Variants in CMYA5 observed in about 807,000 individuals in gnomAD.
The protein encoded by CMYA5 is cardiomyopathy associated 5, also known as cardiomyopathy-associated protein 5.
Under a neutral mutation model 318.9 loss-of-function variants are expected in CMYA5, and 246 were observed. The observed-to-expected ratio is 0.77, with a 90% CI of 0.70 to 0.86. The LOEUF (loss-of-function observed/expected upper bound fraction) is 0.86, where lower values mean the gene tolerates loss of function less well. Ranked by LOEUF, CMYA5 falls within the 40% of genes least tolerant of loss-of-function variation. CMYA5 has a pLI of 0.00. For missense variants in CMYA5, 4,589 were observed against 4,678.2 expected (o/e 0.98, Z 0.56); for synonymous variants, 1,641 against 1,729.5 (o/e 0.95, Z 1.27).
chr5:79,706,235 A>G (rs1045443971), intron 1 of CMYA5, among the ~76,000 whole-genome samples: 1 of 152,144 alleles, frequency 6.6e-6, no homozygotes, highest in Non-Finnish European at 1.5e-5. Flanking sequence ...TTTGATTATG[A>G]GGTGAGATGG....
rs1282948127 is a variant in CMYA5, at chr5:79,717,884, A to ATTTTTTTTTTT, written c.150-11019_150-11009dup. On this transcript the variant is annotated intron_variant, in intron 1 of 12. Transcript: ENST00000446378. Reference sequence around the variant, plus strand: ...ATAAAAGTTCCTTTTAACCTAAGCTATTTTTTTTTTTTTTTTTTTTTTGAG... The same window carrying ATTTTTTTTTTT: ...ATAAAAGTTCCTTTTAACCTAAGCTATTTTTTTTTTTTTTTTTTTTTTTTTTTTTTTTTGAG... Among the ~76,000 whole-genome samples the ATTTTTTTTTTT allele has an allele frequency of 8.7e-5, 8 of 91,758 alleles. 2 individuals are homozygous for ATTTTTTTTTTT. The highest frequency in any genetic ancestry group is 5.1e-4 in the African/African-American group (8 of 15,736). The allele number at this position is 91,758 out of a possible 152,430, so 60.2% of individuals were successfully genotyped here.
chr5:79,772,688 C>T (rs1039517010), intron 9 of CMYA5, among the ~76,000 whole-genome samples: 1 of 152,148 alleles, frequency 6.6e-6, no homozygotes, highest in Non-Finnish European at 1.5e-5. Flanking sequence ...CATCTTTAAT[C>T]GCAGAGTCCC....
rs1827855604 is a variant in CMYA5 at position 79,730,236 on chromosome 5, C to G, written c.1471C>G (p.Pro491Ala). Reference sequence around the variant, plus strand: ...AGAGAAGGAGGAAAACATGCTTGAGCCATCCATTTCTCTTTCTGAACCTCT... The same window carrying G: ...AGAGAAGGAGGAAAACATGCTTGAGGCATCCATTTCTCTTTCTGAACCTCT... ...KGEKEENMLE[P>A]SISLSEPLML... Residue 491 changes from proline (P) to alanine (A), a missense_variant, in exon 2 of 13, where the codon CCA (proline) becomes GCA (alanine). Physicochemically the swap from Pro to Ala is conservative, Grantham distance 27. Transcript: ENST00000446378. 6.2e-7 allele frequency: 1 copy of G among 1,613,960 alleles called. No individual in the cohort carries two copies. Among genetic ancestry groups the G allele is most frequent in the Non-Finnish European group, 8.5e-7 (1 of 1,179,884 alleles).
intron 1 of CMYA5, among the ~76,000 whole-genome samples, chr5:79,725,677 C>G (rs1827733401): frequency 6.6e-6 from 1 of 152,198 alleles, no homozygotes; most frequent in Non-Finnish European, 1.5e-5. Flanking sequence ...CCGAGGTGGG[C>G]AGATCACTTG....
In CMYA5 at chr5:79,732,429, C is replaced by T. The variant is rs772363774; in HGVS notation, c.3664C>T (p.Gln1222Ter). ...TCAAGAAGCTACAGCACATGTATCA[C>T]AGGATCAAAAAATGGAGCCTCAGCC... ...DSQEATAHVS[Q>*]DQKMEPQPPN... Residue 1222 changes from glutamine (Q) to a stop codon, truncating the protein, a stop_gained, in exon 2 of 13, where the codon CAG (glutamine) becomes TAG (stop). Transcript: ENST00000446378. LOFTEE classifies it high-confidence loss of function. 6.2e-7 allele frequency: 1 copy of T among 1,613,492 alleles called. No individual in the cohort carries two copies. The highest frequency in any genetic ancestry group is 8.5e-7 in the Non-Finnish European group (1 of 1,179,724).
rs1182783131 is a variant in CMYA5, at chr5:79,731,146, A to T, written c.2381A>T (p.Asp794Val). ...CTAGGAAGTGAACGTTTCACACCGG[A>T]TTCAAAGTTGATCTCCAAATATGCA... The part of the protein sequence containing the change: ...EDLGSERFTP[D>V]SKLISKYAAP... Residue 794 changes from aspartate to valine, a missense_variant, in exon 2 of 13, where the codon GAT (aspartate) becomes GTT (valine). Asp to Val is a radical substitution (Grantham distance 152, BLOSUM62 -3). This residue lies in a region of CMYA5 where 2,132 missense variants were observed against 2,131.3 expected (regional missense o/e 1.00). Coordinates refer to ENST00000446378, the MANE Select transcript of CMYA5 (RefSeq NM_153610.5). 2.5e-6 allele frequency: 4 copies of T among 1,613,904 alleles called. No individual in the cohort carries two copies. The Admixed American group carries it at 5.0e-5, about 20-fold the overall frequency.
intron 1 of CMYA5, among the ~76,000 whole-genome samples, chr5:79,709,771 A>G (rs1827347220): frequency 6.6e-6 from 1 of 151,892 alleles, no homozygotes; most frequent in Admixed American, 6.6e-5. Flanking sequence ...CAGCCTGGTC[A>G]GCATGGTGAA....
Position 79,729,823 on chromosome 5 carries a change from A to G in CMYA5, c.1058A>G (p.Gln353Arg). 1 of 1,613,510 alleles carries G rather than the reference A, an allele frequency of 6.2e-7. No homozygotes were observed. Among genetic ancestry groups the G allele is most frequent in the Non-Finnish European group, 8.5e-7 (1 of 1,179,654 alleles). ...PSYSSSGRAE[Q>R]GIQLRHSQSV... Reference sequence around the variant, plus strand: ...TATTCAAGTAGTGGCAGAGCAGAACAAGGAATACAGCTCAGGCATTCACAG... The same window carrying G: ...TATTCAAGTAGTGGCAGAGCAGAACGAGGAATACAGCTCAGGCATTCACAG... Residue 353 changes from glutamine to arginine, a missense_variant, in exon 2 of 13, where the codon CAA (glutamine) becomes CGA (arginine). Around this residue, in one of 3 missense-constraint regions of CMYA5, gnomAD observed 2,132 missense variants for 2,131.3 expected, o/e 1.00. Transcript: ENST00000446378.
At chr5:79,740,341 A>C (rs1180760097) in intron 2 of CMYA5, among the ~76,000 whole-genome samples, 1 of 152,228 alleles carries the variant, frequency 6.6e-6, no homozygotes, top group Non-Finnish European at 1.5e-5. Flanking sequence ...ATTTTATGGC[A>C]ATAGTCCTTA....
chr5:79,723,817 T>G lies in CMYA5; in HGVS notation c.150-5098T>G, dbSNP rs1049741883. On this transcript the variant is annotated intron_variant, in intron 1 of 12. Coordinates refer to ENST00000446378, the MANE Select transcript of CMYA5 (RefSeq NM_153610.5). Reference sequence around the variant, plus strand: ...AAGAAAAGGAGATTACAGGGTAATATCACTCATTAACATGGGAGAAAAATT... The same window carrying G: ...AAGAAAAGGAGATTACAGGGTAATAGCACTCATTAACATGGGAGAAAAATT... Among the ~76,000 whole-genome samples, 3 of 150,836 alleles carry G rather than the reference T, an allele frequency of 2.0e-5. No homozygotes were observed. The South Asian group carries it at 6.3e-4, about 32-fold the overall frequency.
intron 1 of CMYA5, among the ~76,000 whole-genome samples, chr5:79,707,329 A>G (rs80204112): frequency 0.022 from 3,297 of 152,296 alleles, 117 homozygotes; most frequent in African/African-American, 0.074. Flanking sequence ...TATTTGTTTA[A>G]GGACTGTGTG....
intron 1 of CMYA5, among the ~76,000 whole-genome samples, chr5:79,695,091 C>A (rs7702610): frequency 0.64 from 97,508 of 151,840 alleles, 33,359 homozygotes; most frequent in African/African-American, 0.89. Flanking sequence ...ATTTTACACA[C>A]AAAAAAGTCC....
chr5:79,691,031 C>A (rs1165268028), intron 1 of CMYA5, among the ~76,000 whole-genome samples: 5 of 152,214 alleles, frequency 3.3e-5, no homozygotes, highest in African/African-American at 9.6e-5. Context: ...CAAGCACAGT[C>A]CCTGGCCTCA....
At position 79,734,042 on chromosome 5, in the gene CMYA5, C is replaced by T. The variant is rs1209610704; in HGVS notation, c.5277C>T (p.Ala1759=). 13 of 1,613,560 alleles carry T rather than the reference C, an allele frequency of 8.1e-6. No homozygotes were observed. The highest frequency in any genetic ancestry group is 1.7e-5 in the Admixed American group (1 of 59,960). The change falls in exon 2 of 13, where the codon GCC becomes GCT. Residue 1759 remains alanine (A), a synonymous_variant. Coordinates refer to ENST00000446378, the MANE Select transcript of CMYA5 (RefSeq NM_153610.5). ...KGLSEEVSHP[A]DFKKGGNQEI... is the part of the protein sequence containing the mutation. ...TATCAGAGGAGGTTAGCCATCCAGC[C>T]GACTTTAAAAAGGGAGGAAATCAAG...
chr5:79,713,995 G>A (rs188590926), intron 1 of CMYA5, among the ~76,000 whole-genome samples: 171 of 152,206 alleles, frequency 1.1e-3, no homozygotes, highest in Admixed American at 4.6e-3. Flanking sequence ...GTATCCCACC[G>A]TTAGCCAATT....
chr5:79,792,602 T>G (rs1406609728), intron 11 of CMYA5, among the ~76,000 whole-genome samples: 1 of 152,224 alleles, frequency 6.6e-6, no homozygotes, highest in Non-Finnish European at 1.5e-5. Context: ...TACATTCCCT[T>G]GCATTAATCA....
rs1827931925 is a variant in CMYA5, at chr5:79,732,328, C to T, written c.3563C>T (p.Ala1188Val). 5.6e-6 allele frequency: 9 copies of T among 1,613,676 alleles called. No homozygotes were observed. The highest frequency in any genetic ancestry group is 7.6e-6 in the Non-Finnish European group (9 of 1,179,850). Residue 1188 changes from alanine to valine, a missense_variant, in exon 2 of 13, where the codon GCA becomes GTA. Ala to Val is a moderately conservative substitution (Grantham distance 64). Transcript: ENST00000446378. ...PAIKKEQEPT[A>V]ALTLKAADEQ... is the part of the protein sequence containing the mutation. ...ATCAAGAAAGAACAGGAACCCACAG[C>T]AGCACTCACTCTAAAAGCTGCAGAT... is the stretch of plus-strand genomic sequence containing the variant.
chr5:79,744,275 G>A (rs887858415), intron 3 of CMYA5, among the ~76,000 whole-genome samples: 2 of 152,190 alleles, frequency 1.3e-5, no homozygotes, highest in Admixed American at 1.3e-4. Context: ...AAGTCTTAGA[G>A]TACATTCCTC....
At chr5:79,719,236 A>G (rs190819295) in intron 1 of CMYA5, among the ~76,000 whole-genome samples, 156 of 152,276 alleles carry the variant, frequency 1.0e-3, no homozygotes, top group Middle Eastern at 6.8e-3. Context: ...TTGTACATAT[A>G]TGTTACCTCC....
Sources: allele counts gnomAD v4.1 joint callset (sites outside exome capture counted in the v4.1 genomes callset), GRCh38; gene constraint gnomAD v4.1.1; regional missense constraint gnomAD v4.1.1; transcripts MANE v1.5; gene names NCBI Gene and HGNC (gene_info 2026-07-23, HGNC 2026-07-21).